The following ANKFN1 variants were observed in gnomAD, a reference collection of about 807,000 sequenced individuals.
The protein encoded by ANKFN1 is ankyrin repeat and fibronectin type-III domain-containing protein 1.
ANKFN1 carries 74 observed loss-of-function variants against 108.7 expected under a neutral mutation model. The observed-to-expected ratio is 0.68, with a 90% CI of 0.56 to 0.83. The LOEUF is 0.83. Among genes scored for constraint, ANKFN1 ranks in the 40% least tolerant of loss-of-function variants. ANKFN1 has a pLI of 0.00. For synonymous variants in ANKFN1, 547 were observed against 516.2 expected, an observed-to-expected ratio of 1.06 and a Z score of -0.81; for missense variants, 1,505 against 1,382.3, an observed-to-expected ratio of 1.09 and a Z score of -1.41.
intron 4 of ANKFN1, among the ~76,000 whole-genome samples, chr17:56,060,810 T>C (rs946914460): frequency 3.9e-5 from 6 of 152,238 alleles, no homozygotes; most frequent in Non-Finnish European, 5.9e-5. Flanking sequence ...ATTTCTTTGA[T>C]GTGCTACTGG....
chr17:56,199,191 T>C (rs1316943834), intron 1 of ANKFN1, among the ~76,000 whole-genome samples: 1 of 151,916 alleles, frequency 6.6e-6, no homozygotes, highest in Non-Finnish European at 1.5e-5. Flanking sequence ...AGTTTACCTA[T>C]AGTTGCTTTA....
At chr17:56,193,302 A>C (rs1033147422) in intron 1 of ANKFN1, among the ~76,000 whole-genome samples, 1 of 142,722 alleles carries the variant, frequency 7.0e-6, no homozygotes, top group African/African-American at 2.6e-5. Flanking sequence ...ACCTAATGCT[A>C]GATGACGAGT....
intron 3 of ANKFN1, 84 bp from the exon 4 acceptor site, chr17:56,326,137 T>C (rs2045508338): frequency 6.7e-7 from 1 of 1,487,068 alleles, no homozygotes; most frequent in African/African-American, 1.4e-5. Context: ...TTTCCTCTTT[T>C]ATTTTGCATT....
At chr17:56,440,518 G>A (rs916787682) in intron 9 of ANKFN1, 94 bp downstream of exon 9, 3 of 954,774 alleles carry the variant, frequency 3.1e-6, no homozygotes, top group African/African-American at 1.6e-5. Context: ...AACAGCCAAC[G>A]CCCAGTCCTC....
At chr17:56,275,920 G>C (rs538505116) in intron 3 of ANKFN1, among the ~76,000 whole-genome samples, 1 of 152,224 alleles carries the variant, frequency 6.6e-6, no homozygotes, top group South Asian at 2.1e-4. Context: ...ATACAGGTTT[G>C]TTACATAGGT....
At chr17:56,064,474 G>A (rs1905029242) in intron 4 of ANKFN1, among the ~76,000 whole-genome samples, 1 of 152,214 alleles carries the variant, frequency 6.6e-6, no homozygotes, top group African/African-American at 2.4e-5. Context: ...AGTGAGGAAG[G>A]ATGAGCCAGG....
At chr17:56,336,651 G>C (rs1284818486) in intron 4 of ANKFN1, among the ~76,000 whole-genome samples, 1 of 151,816 alleles carries the variant, frequency 6.6e-6, no homozygotes, top group South Asian at 2.1e-4. Flanking sequence ...CAATTTTGTT[G>C]ATCTTTTCAA....
chr17:56,186,367 T>C (rs996449436), intron 1 of ANKFN1, among the ~76,000 whole-genome samples: 5 of 151,006 alleles, frequency 3.3e-5, no homozygotes, highest in African/African-American at 1.2e-4. Context: ...TCACTTATAT[T>C]ATCATGTTTG....
intron 10 of ANKFN1, 99 bp downstream of exon 10, chr17:56,443,032 A>C (rs988040963): frequency 2.6e-6 from 3 of 1,150,038 alleles, no homozygotes; most frequent in African/African-American, 3.0e-5. Context: ...CACTGCTTGC[A>C]ACCCATAAGA....
intron 3 of ANKFN1, among the ~76,000 whole-genome samples, chr17:56,235,216 T>C (rs535557101): frequency 3.3e-5 from 5 of 152,236 alleles, no homozygotes; most frequent in Non-Finnish European, 7.3e-5. Context: ...TTGTTTCTTA[T>C]AAACTTGTTT....
chr17:56,401,228 G>A (rs2047752089), intron 8 of ANKFN1, among the ~76,000 whole-genome samples: 1 of 152,130 alleles, frequency 6.6e-6, no homozygotes, highest in Non-Finnish European at 1.5e-5. Flanking sequence ...AGCATGGGAT[G>A]TGTTTTCATT....
chr17:56,147,278 G>C (rs534614994), intron 4 of ANKFN1, among the ~76,000 whole-genome samples: 24 of 152,114 alleles, frequency 1.6e-4, no homozygotes, highest in African/African-American at 5.8e-4. Context: ...CTGTTACCCA[G>C]TTCCAAAGTC....
At chr17:56,192,059 C>A (rs1912990275) in intron 1 of ANKFN1, among the ~76,000 whole-genome samples, 1 of 152,096 alleles carries the variant, frequency 6.6e-6, no homozygotes, top group Non-Finnish European at 1.5e-5. Context: ...TGGTTTTCAG[C>A]TCAATGCAAC....
intron 1 of ANKFN1, among the ~76,000 whole-genome samples, chr17:56,187,239 G>A (rs1054871934): frequency 2.6e-5 from 4 of 152,060 alleles, no homozygotes; most frequent in Non-Finnish European, 5.9e-5. Flanking sequence ...AAATTTGCAA[G>A]AAAAAATCAA....
At chr17:56,310,552 G>A (rs982958428) in intron 3 of ANKFN1, among the ~76,000 whole-genome samples, 6 of 151,632 alleles carry the variant, frequency 4.0e-5, no homozygotes, top group Non-Finnish European at 2.9e-5. Flanking sequence ...GGGAGGCGGA[G>A]CTTGCAGTGA....
At position 56,380,738 on chromosome 17, in the gene ANKFN1, C is replaced by G. The variant is rs554590584; in HGVS notation, c.910+6024C>G. ...GGCAGCAGCGAGGCCGGGGGAGGGG[C>G]GCCCGCCATTGCCCAGGCTTGCTTA... On this transcript the variant is annotated intron_variant, in intron 8 of 20. Transcript: ENST00000682825. Among the ~76,000 whole-genome samples the G allele has an allele frequency of 5.5e-3, 845 of 152,324 alleles. 6 individuals carry two copies. The highest frequency in any genetic ancestry group is 0.019 in the African/African-American group (794 of 41,578).
chr17:56,442,914 G>A lies in ANKFN1; in HGVS notation c.1080G>A (p.Pro360=), dbSNP rs762634943. 28 of 1,613,558 alleles carry A rather than the reference G, an allele frequency of 1.7e-5. No homozygotes were observed. The highest frequency in any genetic ancestry group is 5.3e-5 in the African/African-American group (4 of 74,890). ...KGWGPAQTTT[P]ACASPSNWKD... is the part of the protein sequence containing the mutation. ...GGGGACCTGCTCAGACCACGACACC[G>A]GCATGTGCCTCTCCTTCTAGTAGGT... The change falls in exon 10 of 21, where the codon CCG becomes CCA. Residue 360 remains proline, a synonymous_variant. Transcript: ENST00000682825.
chr17:56,155,876 G>A (rs1271943740), intron 1 of ANKFN1, among the ~76,000 whole-genome samples: 2 of 152,160 alleles, frequency 1.3e-5, no homozygotes, highest in Admixed American at 6.5e-5. Flanking sequence ...GTGTTCTATA[G>A]ATGATATCTG....
intron 8 of ANKFN1, among the ~76,000 whole-genome samples, chr17:56,392,210 C>G (rs2047461118): frequency 6.6e-6 from 1 of 152,128 alleles, no homozygotes; most frequent in African/African-American, 2.4e-5. Flanking sequence ...TGCAAGGTCC[C>G]ATAATAAGTA....
Sources: allele counts gnomAD v4.1 joint callset (sites outside exome capture counted in the v4.1 genomes callset), GRCh38; gene constraint gnomAD v4.1.1; transcripts MANE v1.5; gene names NCBI Gene and HGNC (gene_info 2026-07-23, HGNC 2026-07-21).